The following ETV5 variants were observed in gnomAD, a reference collection of about 807,000 sequenced individuals.
The protein encoded by ETV5 is ETS variant transcription factor 5, also known as ETS translocation variant 5.
ETV5 carries 10 observed loss-of-function variants against 70.0 expected under a neutral mutation model. The observed-to-expected ratio is 0.14, with a 90% CI of 0.09 to 0.24. The LOEUF is 0.24. ETV5 is among the 10% of genes least tolerant of loss of function. The probability of loss-of-function intolerance (pLI) is 1.00; values close to 1 mark genes in which losing one functional copy is unlikely to be tolerated. For missense variants in ETV5, 453 were observed against 651.2 expected, an observed-to-expected ratio of 0.70 and a Z score of 3.31; for synonymous variants, 216 against 242.2, an observed-to-expected ratio of 0.89 and a Z score of 1.01.
In ETV5 at chr3:186,057,213, T is replaced by G; in HGVS notation, c.1071A>C (p.Arg357=). The G allele has an allele frequency of 6.2e-7, 1 of 1,614,140 alleles. No individual in the cohort carries two copies. Among genetic ancestry groups the G allele is most frequent in the East Asian group, 2.2e-5 (1 of 44,884 alleles). ...CTCGCCTCTGGTAAGGGGGCCCCTC[T>G]CGATACATGGTAGGCTCCTGTTTGA... ...GKVKQEPTMY[R]EGPPYQRRGS... is the part of the protein sequence containing the mutation. The change falls in exon 11 of 13, where the codon CGA becomes CGC. Residue 357 remains arginine, a synonymous_variant. Coordinates refer to ENST00000306376, the MANE Select transcript of ETV5 (RefSeq NM_004454.3). This position sits in a 1 kb window ranked among gnomAD's most constrained non-coding sequence, Gnocchi z 4.9.
chr3:186,053,227 G>C (rs1020599309), intron 11 of ETV5, among the ~76,000 whole-genome samples: 1 of 152,060 alleles, frequency 6.6e-6, no homozygotes, highest in Non-Finnish European at 1.5e-5. Context: ...TCAGTCTCCT[G>C]AGCAGCTGGG....
chr3:186,100,795 A>G (rs371423003), intron 5 of ETV5, among the ~76,000 whole-genome samples: 1 of 152,222 alleles, frequency 6.6e-6, no homozygotes, highest in African/African-American at 2.4e-5. Context: ...CTTTGAAATA[A>G]GATTTTTATC....
chr3:186,055,932 T>C (rs1482077272), intron 11 of ETV5, among the ~76,000 whole-genome samples: 1 of 152,224 alleles, frequency 6.6e-6, no homozygotes, highest in Non-Finnish European at 1.5e-5. Flanking sequence ...TCTGCTGGTT[T>C]AATTTATATG....
At chr3:186,074,690 G>A (rs1018684105) in intron 7 of ETV5, among the ~76,000 whole-genome samples, 2 of 151,898 alleles carry the variant, frequency 1.3e-5, no homozygotes, top group South Asian at 4.2e-4. Flanking sequence ...GAGATGGGTG[G>A]ATCACCTGAG....
At chr3:186,063,954 T>A (rs571427182) in intron 9 of ETV5, among the ~76,000 whole-genome samples, 2 of 152,298 alleles carry the variant, frequency 1.3e-5, no homozygotes, top group East Asian at 3.9e-4. Context: ...TAAGACATCC[T>A]TGGACCCTCA....
At chr3:186,067,275 T>G (rs894597030) in intron 7 of ETV5, among the ~76,000 whole-genome samples, 4 of 152,116 alleles carry the variant, frequency 2.6e-5, no homozygotes, top group Non-Finnish European at 5.9e-5. Context: ...CTACTAAAAA[T>G]ACAAAAATTA....
chr3:186,062,493 G>A (rs371239843), intron 9 of ETV5, among the ~76,000 whole-genome samples: 11 of 152,194 alleles, frequency 7.2e-5, no homozygotes, highest in East Asian at 5.8e-4. Flanking sequence ...GTGGTGGCGC[G>A]CGCCTGTAAT....
intron 5 of ETV5, among the ~76,000 whole-genome samples, chr3:186,095,606 G>A (rs927168853): frequency 2.0e-5 from 3 of 152,320 alleles, no homozygotes; most frequent in South Asian, 2.1e-4. Context: ...CAGCAAGTAC[G>A]TCAAGGGTGC....
intron 7 of ETV5, among the ~76,000 whole-genome samples, chr3:186,078,455 C>T (rs1389930910): frequency 1.3e-5 from 2 of 152,012 alleles, no homozygotes; most frequent in African/African-American, 4.8e-5. Flanking sequence ...AATTGGCAGG[C>T]CTGCAGGGTG....
intron 11 of ETV5, among the ~76,000 whole-genome samples, chr3:186,055,897 TACCCA>T (rs1713151204): frequency 6.6e-6 from 1 of 152,194 alleles, no homozygotes; most frequent in Admixed American, 6.5e-5. Context: ...AATTTAATTA[TACCCA>T]ACCCAAAGAT....
intron 5 of ETV5, among the ~76,000 whole-genome samples, chr3:186,083,793 T>A (rs1713988889): frequency 1.3e-5 from 2 of 152,146 alleles, no homozygotes; most frequent in Non-Finnish European, 2.9e-5. Flanking sequence ...CTGGGTACAA[T>A]GTTAGTTACA....
At chr3:186,096,510 A>G (rs534947651) in intron 5 of ETV5, among the ~76,000 whole-genome samples, 2 of 152,150 alleles carry the variant, frequency 1.3e-5, no homozygotes, top group African/African-American at 4.8e-5. Context: ...TACACAGCTG[A>G]TATCTAGGGT....
intron 5 of ETV5, among the ~76,000 whole-genome samples, chr3:186,089,161 G>T (rs756269275): frequency 1.3e-5 from 2 of 152,258 alleles, no homozygotes; most frequent in African/African-American, 4.8e-5. Context: ...ACTTAAAAAA[G>T]AATATCTGGA....
intron 1 of ETV5, among the ~76,000 whole-genome samples, chr3:186,107,540 TG>T (rs1278827616): frequency 1.3e-5 from 2 of 152,126 alleles, no homozygotes; most frequent in African/African-American, 4.8e-5. Context: ...AGAAATAAAC[TG>T]CCATAAACGA....
rs1363795348 is a variant in ETV5 at position 186,057,698 on chromosome 3, C to T, written c.971-207G>A. ...ATCACCTGCGCCTCAGTCAGAGCAG[C>T]ATCAATTCCTGCTTTTACAGCTAAG... On this transcript the variant is annotated intron_variant, in intron 9 of 12. Coordinates refer to ENST00000306376, the MANE Select transcript of ETV5 (RefSeq NM_004454.3). This position sits in a 1 kb window ranked among gnomAD's most constrained non-coding sequence, Gnocchi z 4.9. Among the ~76,000 whole-genome samples, 1 of 152,190 alleles carries T rather than the reference C, an allele frequency of 6.6e-6. No homozygotes were observed. The highest frequency in any genetic ancestry group is 6.5e-5 in the Admixed American group (1 of 15,284).
intron 1 of ETV5, 126 bp from the exon 2 acceptor site, chr3:186,106,068 CTCAAGG>C: frequency 1.5e-6 from 1 of 651,464 alleles, no homozygotes; most frequent in Non-Finnish European, 2.6e-6. Flanking sequence ...TTAAAACCTA[CTCAAGG>C]TGCAAGCTTT....
At chr3:186,076,100 G>A (rs953178735) in intron 7 of ETV5, among the ~76,000 whole-genome samples, 1 of 152,090 alleles carries the variant, frequency 6.6e-6, no homozygotes, top group South Asian at 2.1e-4. Context: ...TTTTTCAGCT[G>A]GTCTTTCAGG....
At chr3:186,091,223 A>G (rs533618404) in intron 5 of ETV5, among the ~76,000 whole-genome samples, 42 of 152,346 alleles carry the variant, frequency 2.8e-4, no homozygotes, top group African/African-American at 1.0e-3. Context: ...AGGGTTTGCT[A>G]TTAGCAGGTA....
intron 5 of ETV5, among the ~76,000 whole-genome samples, chr3:186,088,949 A>G (rs922184593): frequency 6.6e-6 from 1 of 152,264 alleles, no homozygotes; most frequent in Non-Finnish European, 1.5e-5. Context: ...TAAGTTCTAC[A>G]GTATTACCAG....
Sources: gnomAD v4.1 joint callset for allele counts (sites outside exome capture counted in the v4.1 genomes callset) on GRCh38, gnomAD v4.1.1 for gene constraint, Gnocchi (gnomAD v3.1) non-coding constraint, MANE v1.5 for transcripts, NCBI Gene and HGNC (gene_info 2026-07-23, HGNC 2026-07-21) for gene names.